Variants in PTPRD observed in about 807,000 individuals in gnomAD.
The protein encoded by PTPRD is protein tyrosine phosphatase receptor type D.
PTPRD carries 34 observed loss-of-function variants against 214.5 expected under a neutral mutation model. The ratio of observed to expected loss-of-function variants is 0.16; its 90% confidence interval spans 0.12 to 0.21. The LOEUF (loss-of-function observed/expected upper bound fraction) is 0.21, where lower values mean the gene tolerates loss of function less well. Ranked by LOEUF, PTPRD falls within the 10% of genes least tolerant of loss-of-function variation. The pLI is 1.00. For missense variants in PTPRD, 2,545 were observed against 2,398.7 expected (o/e 1.06, Z -1.27); for synonymous variants, 1,128 against 845.7 (o/e 1.33, Z -5.79).
chr9:10,134,052 T>C (rs1160990460), intron 3 of PTPRD, among the ~76,000 whole-genome samples: 2 of 152,110 alleles, frequency 1.3e-5, no homozygotes, highest in Non-Finnish European at 2.9e-5. Flanking sequence ...AGCCATCTAC[T>C]GAGCAAAATA....
chr9:9,801,950 A>T (rs1253579966), intron 5 of PTPRD, among the ~76,000 whole-genome samples: 1 of 152,100 alleles, frequency 6.6e-6, no homozygotes, highest in Non-Finnish European at 1.5e-5. Context: ...TGTTTATACA[A>T]GAATGGAGTC....
At chr9:10,484,666 G>A (rs2132343947) in intron 2 of PTPRD, among the ~76,000 whole-genome samples, 1 of 151,946 alleles carries the variant, frequency 6.6e-6, no homozygotes, top group African/African-American at 2.4e-5. Flanking sequence ...TCATATGTCT[G>A]CCATTGAGAA....
chr9:10,588,316 C>CAAAT (rs1366288790), intron 2 of PTPRD, among the ~76,000 whole-genome samples: 1 of 151,752 alleles, frequency 6.6e-6, no homozygotes, highest in African/African-American at 2.4e-5. Context: ...ATGACAGGAA[C>CAAAT]AAATATTCTG....
At chr9:8,989,789 T>C (rs557189786) in intron 11 of PTPRD, among the ~76,000 whole-genome samples, 1 of 152,250 alleles carries the variant, frequency 6.6e-6, no homozygotes, top group South Asian at 2.1e-4. Context: ...ATAGATAACG[T>C]GCTCCTAAGA....
intron 37 of PTPRD, among the ~76,000 whole-genome samples, chr9:8,381,558 T>C (rs1273587580): frequency 6.6e-6 from 1 of 152,188 alleles, no homozygotes; most frequent in African/African-American, 2.4e-5. Flanking sequence ...TCTTTACTAA[T>C]CACTATTTAG....
At chr9:9,762,112 C>T (rs1297676403) in intron 6 of PTPRD, among the ~76,000 whole-genome samples, 2 of 152,200 alleles carry the variant, frequency 1.3e-5, no homozygotes. Context: ...CACTCCAGGA[C>T]AGTCCTGCCC....
At chr9:10,556,657 G>A (rs1358521961) in intron 2 of PTPRD, among the ~76,000 whole-genome samples, 1 of 151,964 alleles carries the variant, frequency 6.6e-6, no homozygotes, top group African/African-American at 2.4e-5. Flanking sequence ...GTATTTTGTT[G>A]ACAATTATTT....
In PTPRD at chr9:10,278,797, T is replaced by C. The variant is rs113222082; in HGVS notation, c.-545+62166A>G. ...GTTTTGTTTTGTTTTGTTTTTCAGA[T>C]GGAGTCTCGCTCTGTTGCCCAGGCT... On this transcript the variant is annotated intron_variant, in intron 3 of 45. Coordinates refer to ENST00000381196, the MANE Select transcript of PTPRD (RefSeq NM_002839.4). Among the ~76,000 whole-genome samples the C allele has an allele frequency of 5.1e-3, 768 of 152,004 alleles. 6 individuals are homozygous for C. The highest frequency in any genetic ancestry group is 0.037 in the Middle Eastern group (11 of 294).
chr9:9,503,789 T>C (rs998158395), intron 8 of PTPRD, among the ~76,000 whole-genome samples: 3 of 151,732 alleles, frequency 2.0e-5, no homozygotes, highest in African/African-American at 4.8e-5. Flanking sequence ...ACAAAGGCTC[T>C]CTGAAGCATT....
intron 4 of PTPRD, among the ~76,000 whole-genome samples, chr9:9,964,265 AC>A (rs2094544157): frequency 1.3e-5 from 2 of 152,210 alleles, no homozygotes; most frequent in African/African-American, 4.8e-5. Context: ...TTTAACCGCT[AC>A]TAGGACAAGA....
At chr9:9,661,170 A>T (rs973546677) in intron 7 of PTPRD, among the ~76,000 whole-genome samples, 8 of 151,858 alleles carry the variant, frequency 5.3e-5, no homozygotes, top group South Asian at 2.1e-4. Flanking sequence ...AGGCTATGCA[A>T]ATTTTCTATA....
rs947506573 is a variant in PTPRD at position 9,221,535 on chromosome 9, G to C, written c.-202-38172C>G. 5.9e-5 allele frequency among the ~76,000 whole-genome samples: 9 copies of C among 151,966 alleles called. No homozygotes were observed. The South Asian group carries it at 6.2e-4, about 11-fold the overall frequency. On this transcript the variant is annotated intron_variant, in intron 9 of 45. Coordinates refer to ENST00000381196, the MANE Select transcript of PTPRD (RefSeq NM_002839.4). Reference sequence around the variant, plus strand: ...GCTGGCTGATTAGATCTCTGGAGAGGGCTCTCTTTCTGGCTCGCAGACAGT... The same window carrying C: ...GCTGGCTGATTAGATCTCTGGAGAGCGCTCTCTTTCTGGCTCGCAGACAGT...
At chr9:9,866,402 G>A (rs2153702112) in intron 5 of PTPRD, among the ~76,000 whole-genome samples, 1 of 152,190 alleles carries the variant, frequency 6.6e-6, no homozygotes, top group South Asian at 2.1e-4. Context: ...CATGTAATGT[G>A]GTGGCCATAA....
intron 4 of PTPRD, among the ~76,000 whole-genome samples, chr9:9,944,594 G>A (rs1164960629): frequency 6.6e-6 from 1 of 152,062 alleles, no homozygotes; most frequent in Non-Finnish European, 1.5e-5. Context: ...AGGGAGTCAG[G>A]CATGTGTATA....
At chr9:10,518,688 A>T (rs751142269) in intron 2 of PTPRD, among the ~76,000 whole-genome samples, 2 of 151,880 alleles carry the variant, frequency 1.3e-5, no homozygotes, top group Non-Finnish European at 2.9e-5. Flanking sequence ...GCCCGCCACC[A>T]CACCCGGCTA....
chr9:9,175,609 T>G (rs1271648290), intron 10 of PTPRD, among the ~76,000 whole-genome samples: 1 of 116,568 alleles, frequency 8.6e-6, no homozygotes, highest in Non-Finnish European at 1.7e-5. Flanking sequence ...GGCAACAGAG[T>G]GAGACTCTGT....
intron 4 of PTPRD, among the ~76,000 whole-genome samples, chr9:9,985,703 G>A (rs1205616295): frequency 1.3e-5 from 2 of 151,418 alleles, no homozygotes; most frequent in East Asian, 3.9e-4. Flanking sequence ...ATGTCCACAT[G>A]GCATAAATAT....
At chr9:9,798,577 G>T (rs1019979152) in intron 5 of PTPRD, among the ~76,000 whole-genome samples, 2 of 152,174 alleles carry the variant, frequency 1.3e-5, no homozygotes, top group African/African-American at 4.8e-5. Context: ...GTCAGAGAAT[G>T]ACCTTTCTGC....
chr9:8,715,038 T>G (rs1040936963), intron 12 of PTPRD, among the ~76,000 whole-genome samples: 1 of 151,720 alleles, frequency 6.6e-6, no homozygotes, highest in East Asian at 1.9e-4. Flanking sequence ...TAAGGACCTA[T>G]ATACAAGACA....
Sources: allele counts gnomAD v4.1 joint callset (sites outside exome capture counted in the v4.1 genomes callset), GRCh38; gene constraint gnomAD v4.1.1; transcripts MANE v1.5; gene names NCBI Gene and HGNC (gene_info 2026-07-23, HGNC 2026-07-21).